Variants in ACBD6 observed in about 807,000 individuals in gnomAD.
ACBD6 encodes the protein acyl-CoA binding domain containing 6.
ACBD6 carries 28 observed loss-of-function variants against 37.2 expected under a neutral mutation model. The observed-to-expected ratio is 0.75, with a 90% CI of 0.56 to 1.03. The LOEUF is 1.03. Among genes scored for constraint, ACBD6 ranks in the 50% least tolerant of loss-of-function variants. The pLI is 0.00. For missense variants in ACBD6, 340 were observed against 337.4 expected, an observed-to-expected ratio of 1.01 and a Z score of -0.06; for synonymous variants, 113 against 126.8, an observed-to-expected ratio of 0.89 and a Z score of 0.73.
At chr1:180,308,928 T>C (rs1650487030) in intron 7 of ACBD6, among the ~76,000 whole-genome samples, 1 of 152,012 alleles carries the variant, frequency 6.6e-6, no homozygotes, top group South Asian at 2.1e-4. Context: ...ATGAATGAAA[T>C]ATAATTAAGG....
chr1:180,374,734 C>T (rs1327814056), intron 6 of ACBD6, among the ~76,000 whole-genome samples: 1 of 152,096 alleles, frequency 6.6e-6, no homozygotes, highest in East Asian at 1.9e-4. Flanking sequence ...TACACCTTCA[C>T]TTACAGATAA....
At chr1:180,482,276 C>A (rs1571566812) in intron 3 of ACBD6, among the ~76,000 whole-genome samples, 1 of 151,942 alleles carries the variant, frequency 6.6e-6, no homozygotes, top group African/African-American at 2.4e-5. Context: ...TGAATAGCAG[C>A]CAATTTTGCA....
At chr1:180,315,810 G>T (rs1488965489) in intron 6 of ACBD6, among the ~76,000 whole-genome samples, 1 of 152,110 alleles carries the variant, frequency 6.6e-6, no homozygotes. Flanking sequence ...GTGGAATGAA[G>T]GTCTGATTGG....
At chr1:180,424,173 T>C (rs1320092938) in intron 4 of ACBD6, among the ~76,000 whole-genome samples, 3 of 152,166 alleles carry the variant, frequency 2.0e-5, no homozygotes, top group Non-Finnish European at 4.4e-5. Flanking sequence ...CGTTACTAAC[T>C]ATGTGACCCT....
At chr1:180,354,399 G>T (rs546899631) in intron 6 of ACBD6, among the ~76,000 whole-genome samples, 9 of 152,110 alleles carry the variant, frequency 5.9e-5, no homozygotes, top group Non-Finnish European at 1.2e-4. Context: ...CCACCCACAA[G>T]CTTTCATCCC....
exon 14 of ACBD6, chr1:180,270,028 C>T (rs1400521993): frequency 6.6e-6 from 1 of 152,286 alleles, no homozygotes; most frequent in East Asian, 1.9e-4. Flanking sequence ...CATGTCCTGG[C>T]TGCACAGCTG....
intron 3 of ACBD6, among the ~76,000 whole-genome samples, chr1:180,456,205 C>T (rs1649916957): frequency 7.7e-6 from 1 of 130,094 alleles, no homozygotes; most frequent in Admixed American, 7.6e-5. Context: ...GAGCGAGACA[C>T]CATTTCAAAA....
chr1:180,433,627 G>A (rs1221116811), intron 3 of ACBD6, among the ~76,000 whole-genome samples: 1 of 151,930 alleles, frequency 6.6e-6, no homozygotes, highest in Non-Finnish European at 1.5e-5. Flanking sequence ...TGTACAGAGA[G>A]AGAGCGAGAG....
At chr1:180,391,885 C>T (rs1250074843) in intron 6 of ACBD6, among the ~76,000 whole-genome samples, 1 of 113,004 alleles carries the variant, frequency 8.8e-6, no homozygotes, top group Non-Finnish European at 2.2e-5. Context: ...AATAGCCAGA[C>T]ACTGAAGGAA....
At chr1:180,432,341 G>A (rs551673361) in intron 3 of ACBD6, among the ~76,000 whole-genome samples, 1 of 151,996 alleles carries the variant, frequency 6.6e-6, no homozygotes, top group Non-Finnish European at 1.5e-5. Flanking sequence ...AAGAAAATTT[G>A]CAAAACACTT....
intron 6 of ACBD6, among the ~76,000 whole-genome samples, chr1:180,391,420 G>T (rs757816494): frequency 1.3e-5 from 2 of 152,126 alleles, no homozygotes; most frequent in Non-Finnish European, 2.9e-5. Context: ...AACGAGACTT[G>T]TATCCAAAAC....
intron 3 of ACBD6, among the ~76,000 whole-genome samples, chr1:180,461,286 C>T (rs77533360): frequency 1.6e-3 from 242 of 152,192 alleles, no homozygotes; most frequent in African/African-American, 5.4e-3. Context: ...CTGGTGTACC[C>T]GAAAGAGCTA....
At chr1:180,440,806 G>A (rs1649252181) in intron 3 of ACBD6, among the ~76,000 whole-genome samples, 1 of 152,156 alleles carries the variant, frequency 6.6e-6, no homozygotes, top group African/African-American at 2.4e-5. Flanking sequence ...CATACACTAT[G>A]TAATCTTTCA....
chr1:180,413,092 T>C (rs1202399544), intron 5 of ACBD6, among the ~76,000 whole-genome samples: 1 of 152,204 alleles, frequency 6.6e-6, no homozygotes, highest in Non-Finnish European at 1.5e-5. Flanking sequence ...TTTCACTTAT[T>C]ATGCGAATAA....
At chr1:180,406,716 A>G (rs1571466850) in intron 5 of ACBD6, among the ~76,000 whole-genome samples, 3 of 152,328 alleles carry the variant, frequency 2.0e-5, no homozygotes, top group East Asian at 1.9e-4. Flanking sequence ...TTTAAGTGCA[A>G]TAAACATGAC....
rs772708341 is a variant in ACBD6 at position 180,413,478 on chromosome 1, TAA to T, written c.468-9_468-8del. 1.3e-6 allele frequency: 2 copies of T among 1,591,842 alleles called. No individual in the cohort carries two copies. The highest frequency in any genetic ancestry group is 8.6e-7 in the Non-Finnish European group (1 of 1,162,630). On this transcript the variant is annotated splice_region_variant and splice_polypyrimidine_tract_variant and intron_variant, in intron 4 of 7. Coordinates refer to ENST00000367595, the MANE Select transcript of ACBD6 (RefSeq NM_032360.4). ...TATATTTTTGTCTTCTTCCCTAGAA[TAA>T]AAAAAAGAAAGGTCTTTTTTTACTG... is the stretch of plus-strand genomic sequence containing the variant.
At chr1:180,488,768 A>T (rs996261719) in intron 3 of ACBD6, among the ~76,000 whole-genome samples, 2 of 151,894 alleles carry the variant, frequency 1.3e-5, no homozygotes, top group Non-Finnish European at 2.9e-5. Context: ...TAAAATAGAG[A>T]TGGGGTCTTG....
chr1:180,281,742 GA>G (rs1389811112), intron 8 of ACBD6, among the ~76,000 whole-genome samples: 1 of 152,028 alleles, frequency 6.6e-6, no homozygotes, highest in African/African-American at 2.4e-5. Context: ...CTACTGTGGA[GA>G]AGTATTGAGT....
At chr1:180,426,119 A>T (rs1648572462) in intron 4 of ACBD6, among the ~76,000 whole-genome samples, 1 of 152,220 alleles carries the variant, frequency 6.6e-6, no homozygotes, top group Admixed American at 6.5e-5. Context: ...CAGAACAACT[A>T]ATCAATTCCA....
Sources: gnomAD v4.1 joint callset for allele counts (sites outside exome capture counted in the v4.1 genomes callset) on GRCh38, gnomAD v4.1.1 for gene constraint, MANE v1.5 for transcripts, NCBI Gene and HGNC (gene_info 2026-07-23, HGNC 2026-07-21) for gene names.